LRP6: variants seen among roughly 807,000 people sequenced by gnomAD.
The protein encoded by LRP6 is LDL receptor related protein 6.
LRP6 carries 43 observed loss-of-function variants against 184.1 expected under a neutral mutation model. That is an observed-to-expected ratio of 0.23 (90% CI 0.18 to 0.30). LRP6 has a LOEUF of 0.30. Among genes scored for constraint, LRP6 ranks in the 10% least tolerant of loss-of-function variants. The pLI is 1.00. For synonymous variants in LRP6, 719 were observed against 684.9 expected, an observed-to-expected ratio of 1.05 and a Z score of -0.78; for missense variants, 1,571 against 2,005.3, an observed-to-expected ratio of 0.78 and a Z score of 4.14.
intron 19 of LRP6, among the ~76,000 whole-genome samples, chr12:12,129,713 C>T (rs2136857644): frequency 6.6e-6 from 1 of 152,180 alleles, no homozygotes; most frequent in Admixed American, 6.5e-5. Context: ...CCACCACGCC[C>T]AGCTAATTTT....
Position 12,266,611 on chromosome 12 carries a change from C to G in LRP6, c.55+70G>C, listed in dbSNP as rs892121457. The G allele has an allele frequency of 1.3e-5, 17 of 1,299,790 alleles. No homozygotes were observed. In the African/African-American group the frequency reaches 2.5e-4, roughly 19 times the overall value. The allele number at this position is 1,299,790 out of a possible 1,614,324, so 80.5% of individuals were successfully genotyped here. On this transcript the variant is annotated intron_variant, in intron 1 of 22. Coordinates refer to ENST00000261349, the MANE Select transcript of LRP6 (RefSeq NM_002336.3). ...TCCCTTCCTCCGTCCCTCCCCTCCC[C>G]CTAGACACATACAACAAGGCCACCT...
At chr12:12,247,414 C>G (rs1237138961) in intron 1 of LRP6, among the ~76,000 whole-genome samples, 1 of 152,150 alleles carries the variant, frequency 6.6e-6, no homozygotes, top group East Asian at 1.9e-4. Context: ...TATTTTTGGT[C>G]TACAAAATCC....
intron 11 of LRP6, 81 bp from the exon 12 acceptor site, chr12:12,159,236 A>AT: frequency 3.5e-6 from 3 of 865,234 alleles, no homozygotes; most frequent in Non-Finnish European, 5.3e-6. Context: ...TGGCAAAAAG[A>AT]AAAAAAAAAG....
chr12:12,116,830 G>T lies in LRP6; in HGVS notation c.*4296C>A, dbSNP rs535894814. The T allele has an allele frequency of 1.3e-5, 2 of 152,230 alleles. No individual in the cohort carries two copies. Among genetic ancestry groups the T allele is most frequent in the African/African-American group, 4.8e-5 (2 of 41,536 alleles). The allele number at this position is 152,230 out of a possible 1,614,324, so 9.4% of individuals were successfully genotyped here. On this transcript the variant is annotated 3_prime_UTR_variant, in exon 23 of 23. Coordinates refer to ENST00000261349, the MANE Select transcript of LRP6 (RefSeq NM_002336.3). ...CAAAGTTTACCTCAATTGAAAGAGG[G>T]TGAGGGTAGAGTCAGTAACTGATTA... is the stretch of plus-strand genomic sequence containing the variant.
intron 2 of LRP6, among the ~76,000 whole-genome samples, chr12:12,226,404 A>T (rs1263527217): frequency 1.3e-5 from 2 of 152,242 alleles, no homozygotes; most frequent in African/African-American, 4.8e-5. Flanking sequence ...AATTTAAAGC[A>T]ACTATGATTC....
At chr12:12,201,451 C>T (rs1309804204) in intron 3 of LRP6, among the ~76,000 whole-genome samples, 4 of 152,150 alleles carry the variant, frequency 2.6e-5, no homozygotes, top group Non-Finnish European at 4.4e-5. Context: ...TAAAATAACC[C>T]ACCATCTTGT....
chr12:12,153,251 G>A (rs1256706286), intron 12 of LRP6, among the ~76,000 whole-genome samples: 1 of 152,178 alleles, frequency 6.6e-6, no homozygotes, highest in Non-Finnish European at 1.5e-5. Flanking sequence ...CCCTTTGGGA[G>A]GCTGAGGCAG....
intron 7 of LRP6, among the ~76,000 whole-genome samples, chr12:12,173,265 TAA>T (rs1160848150): frequency 1.3e-5 from 2 of 152,140 alleles, no homozygotes; most frequent in Non-Finnish European, 1.5e-5. Flanking sequence ...CCCAAAAACC[TAA>T]TAGGGAAAAG....
chr12:12,204,187 T>C (rs1010974379), intron 2 of LRP6, among the ~76,000 whole-genome samples: 1 of 146,300 alleles, frequency 6.8e-6, no homozygotes, highest in Non-Finnish European at 1.5e-5. Flanking sequence ...AAAAAATGCA[T>C]ACCCCAAATA....
intron 2 of LRP6, among the ~76,000 whole-genome samples, chr12:12,236,542 G>A (rs1239493051): frequency 2.0e-5 from 3 of 152,092 alleles, no homozygotes; most frequent in African/African-American, 7.2e-5. Flanking sequence ...CTACAAGCCA[G>A]TTCAATTCTG....
At chr12:12,263,473 C>T (rs1475511360) in intron 1 of LRP6, among the ~76,000 whole-genome samples, 17 of 151,654 alleles carry the variant, frequency 1.1e-4, no homozygotes, top group Non-Finnish European at 2.4e-4. Context: ...AAGGCGTGAA[C>T]CCGGCAGGCA....
At position 12,186,389 on chromosome 12, in the gene LRP6, C is replaced by CT. The variant is rs201999069; in HGVS notation, c.844+533dup. Among the ~76,000 whole-genome samples, 379 of 151,708 alleles carry CT rather than the reference C, an allele frequency of 2.5e-3. 1 individual carries two copies. Among genetic ancestry groups the CT allele is most frequent in the African/African-American group, 8.2e-3 (340 of 41,386 alleles). On this transcript the variant is annotated intron_variant, in intron 4 of 22. Transcript: ENST00000261349. ...CCTGAATTATACTTTTACATTTTCCCTTTTTTTTGAGCAAAGTCTCGCTCT... is the reference window on the plus strand; with the variant it reads ...CCTGAATTATACTTTTACATTTTCCCTTTTTTTTTGAGCAAAGTCTCGCTCT...
intron 7 of LRP6, among the ~76,000 whole-genome samples, chr12:12,170,435 T>C (rs926831747): frequency 3.3e-5 from 5 of 150,720 alleles, no homozygotes; most frequent in African/African-American, 1.2e-4. Context: ...TAAAATTTTA[T>C]TAATGACATT....
chr12:12,250,096 G>A (rs1056327024), intron 1 of LRP6, among the ~76,000 whole-genome samples: 1 of 152,082 alleles, frequency 6.6e-6, no homozygotes, highest in African/African-American at 2.4e-5. Context: ...TATCCTAATA[G>A]TAAGTTATCT....
chr12:12,186,212 G>C (rs1449346008), intron 4 of LRP6, among the ~76,000 whole-genome samples: 1 of 151,914 alleles, frequency 6.6e-6, no homozygotes, highest in Non-Finnish European at 1.5e-5. Context: ...GAAATAATAT[G>C]AACAAAAAAA....
intron 2 of LRP6, among the ~76,000 whole-genome samples, chr12:12,227,688 C>A (rs1273956841): frequency 2.0e-5 from 3 of 152,028 alleles, no homozygotes; most frequent in Non-Finnish European, 4.4e-5. Flanking sequence ...AGATTACAGA[C>A]TTAAGTCACC....
intron 1 of LRP6, chr12:12,249,328 T>C: frequency 8.7e-7 from 1 of 1,152,598 alleles, no homozygotes; most frequent in Non-Finnish European, 1.3e-6. Context: ...ATGGCAGAAT[T>C]CACAGCACCA....
chr12:12,144,356 C>A (rs572803669), intron 15 of LRP6, among the ~76,000 whole-genome samples: 1 of 152,204 alleles, frequency 6.6e-6, no homozygotes, highest in African/African-American at 2.4e-5. Flanking sequence ...TTATCACAGA[C>A]CTGCCTGCCA....
Position 12,231,632 on chromosome 12 carries a change from A to G in LRP6, c.449+12630T>C, listed in dbSNP as rs185722810. Reference sequence around the variant, plus strand: ...CCAAAACTCAAACTAAGCCGGGCACAGTGGCTCATGCCTGTAGTCCCAGAA... The same window carrying G: ...CCAAAACTCAAACTAAGCCGGGCACGGTGGCTCATGCCTGTAGTCCCAGAA... On this transcript the variant is annotated intron_variant, in intron 2 of 22. Coordinates refer to ENST00000261349, the MANE Select transcript of LRP6 (RefSeq NM_002336.3). 1.8e-4 allele frequency among the ~76,000 whole-genome samples: 27 copies of G among 152,234 alleles called. No homozygotes were observed. The East Asian group carries it at 5.0e-3, about 28-fold the overall frequency.
Sources: allele counts gnomAD v4.1 joint callset (sites outside exome capture counted in the v4.1 genomes callset), GRCh38; gene constraint gnomAD v4.1.1; transcripts MANE v1.5; gene names NCBI Gene and HGNC (gene_info 2026-07-23, HGNC 2026-07-21).